The following DENND2B variants were observed in gnomAD, a reference collection of about 807,000 sequenced individuals.
The protein encoded by DENND2B is DENN domain-containing protein 2B.
DENND2B carries 32 observed loss-of-function variants against 116.0 expected under a neutral mutation model. The observed-to-expected ratio is 0.28, with a 90% CI of 0.21 to 0.37. The LOEUF (loss-of-function observed/expected upper bound fraction) is 0.37. Ranked by LOEUF, DENND2B falls within the 10% of genes least tolerant of loss-of-function variation. DENND2B has a pLI of 1.00. For synonymous variants in DENND2B, 588 were observed against 583.9 expected (o/e 1.01, Z -0.10); for missense variants, 1,276 against 1,477.7 (o/e 0.86, Z 2.24).
At chr11:8,708,373 G>T (rs1462446393) in intron 11 of DENND2B, 1 of 978,090 alleles carries the variant, frequency 1.0e-6, no homozygotes, top group African/African-American at 1.8e-5. Flanking sequence ...GGGAGCTACT[G>T]TTTATGGAAC....
intron 1 of DENND2B, among the ~76,000 whole-genome samples, chr11:8,779,769 C>T (rs899241973): frequency 6.6e-6 from 1 of 152,220 alleles, no homozygotes; most frequent in African/African-American, 2.4e-5. Flanking sequence ...CCCGCCTCAG[C>T]CTCCCGAAGT....
chr11:8,724,358 TTC>T (rs997927731), intron 4 of DENND2B, among the ~76,000 whole-genome samples: 1 of 151,590 alleles, frequency 6.6e-6, no homozygotes, highest in Admixed American at 6.6e-5. Flanking sequence ...CCTGGGCCAC[TTC>T]TCTCTCTCAT....
At chr11:8,802,133 G>A (rs1275952191) in intron 1 of DENND2B, among the ~76,000 whole-genome samples, 1 of 151,262 alleles carries the variant, frequency 6.6e-6, no homozygotes, top group Non-Finnish European at 1.5e-5. Flanking sequence ...AAACCCCATC[G>A]ATACTAAAAA....
intron 3 of DENND2B, among the ~76,000 whole-genome samples, chr11:8,728,926 A>G (rs2047601528): frequency 6.6e-6 from 1 of 152,258 alleles, no homozygotes; most frequent in African/African-American, 2.4e-5. Context: ...CACTCTTGGC[A>G]GGCCGTTTAA....
exon 2 of DENND2B, chr11:8,881,086 C>G (rs2063899653): frequency 6.6e-6 from 1 of 152,122 alleles, no homozygotes; most frequent in Non-Finnish European, 1.5e-5. Flanking sequence ...GTGAGTATCT[C>G]CTCCAGTGGT....
upstream of DENND2B, chr11:8,811,008 G>A (rs974268504): frequency 3.4e-5 from 11 of 321,652 alleles, no homozygotes; most frequent in Non-Finnish European, 1.7e-5. Flanking sequence ...GAGTGGACTT[G>A]TTTTCTTCCC....
chr11:8,695,837 C>T (rs2040258204), intron 18 of DENND2B: 3 of 470,354 alleles, frequency 6.4e-6, no homozygotes, highest in Non-Finnish European at 1.2e-5. Flanking sequence ...AAGTGGACAT[C>T]TCTAGCTTCC....
In DENND2B at chr11:8,732,368, C is replaced by A. The variant is rs576567329; in HGVS notation, c.81-1159G>T. Among the ~76,000 whole-genome samples, 10 of 152,310 alleles carry A rather than the reference C, an allele frequency of 6.6e-5. No individual in the cohort carries two copies. In the South Asian group the frequency reaches 2.1e-3, roughly 32 times the overall value. On this transcript the variant is annotated intron_variant, in intron 2 of 19. Transcript: ENST00000313726. ...GCACAGAAAGGTTTAATATCTCATC[C>A]GAGGTCACTCAGCTGGTAAGTGAAA...
chr11:8,769,375 T>TA (rs1468950794), intron 1 of DENND2B, among the ~76,000 whole-genome samples: 2 of 151,838 alleles, frequency 1.3e-5, no homozygotes, highest in Non-Finnish European at 2.9e-5. Context: ...GTAGCTGGGA[T>TA]GACAGGCTCC....
Position 8,714,646 on chromosome 11 carries a change from AC to A in DENND2B, c.1905del (p.Lys635AsnfsTer12). 1 of 1,614,172 alleles carries A rather than the reference AC, an allele frequency of 6.2e-7. No homozygotes were observed. The highest frequency in any genetic ancestry group is 8.5e-7 in the Non-Finnish European group (1 of 1,180,038). On this transcript the variant is annotated frameshift_variant, in exon 7 of 20. Transcript: ENST00000313726. LOFTEE classifies it high-confidence loss of function. ...GCTGTTTCAATGCTGGACATAGACA[AC>A]TTTTTTAATCTCTTCTTTCCTCTCT... ...NAKRGKKRLKKLSMSSIETAS... is the reference protein window; with the variant it reads ...NAKRGKKRLKXLSMSSIETAS...
chr11:8,827,809 C>T (rs1392880785), intron 4 of DENND2B, among the ~76,000 whole-genome samples: 1 of 152,228 alleles, frequency 6.6e-6, no homozygotes, highest in Non-Finnish European at 1.5e-5. Flanking sequence ...AGAGAGACAG[C>T]TCAACGACAT....
At chr11:8,776,158 GCGCACACACACACA>G (rs2057667840) in intron 1 of DENND2B, 5 of 332,900 alleles carry the variant, frequency 1.5e-5, no homozygotes, top group Non-Finnish European at 2.3e-5. Context: ...ACGCGCGCGC[GCGCACACACACACA>G]CACACACACA....
At chr11:8,763,544 A>G (rs1452880782) in intron 1 of DENND2B, among the ~76,000 whole-genome samples, 1 of 151,690 alleles carries the variant, frequency 6.6e-6, no homozygotes, top group Non-Finnish European at 1.5e-5. Context: ...TGATTACTAT[A>G]CAGCAATGAG....
At chr11:8,804,836 G>A (rs563691965) in intron 1 of DENND2B, among the ~76,000 whole-genome samples, 12 of 152,074 alleles carry the variant, frequency 7.9e-5, no homozygotes, top group Admixed American at 3.3e-4. Flanking sequence ...GAGCCACTGC[G>A]CCCAACCAGC....
chr11:8,805,267 G>A (rs1173216396), intron 1 of DENND2B, among the ~76,000 whole-genome samples: 9 of 152,090 alleles, frequency 5.9e-5, no homozygotes, highest in African/African-American at 9.7e-5. Flanking sequence ...GCAGCACCAC[G>A]CACTCACTGA....
intron 4 of DENND2B, chr11:8,835,620 T>C (rs1282298811): frequency 6.6e-6 from 1 of 152,224 alleles, no homozygotes; most frequent in Non-Finnish European, 1.5e-5. Flanking sequence ...GAGACCTAAA[T>C]TACCTGTGAT....
At chr11:8,767,667 G>C (rs1355569107) in intron 1 of DENND2B, among the ~76,000 whole-genome samples, 1 of 152,086 alleles carries the variant, frequency 6.6e-6, no homozygotes, top group South Asian at 2.1e-4. Context: ...CACTCATTCC[G>C]CAAGTATTTT....
chr11:8,706,685 T>C (rs2042659271), intron 13 of DENND2B, among the ~76,000 whole-genome samples: 2 of 152,194 alleles, frequency 1.3e-5, no homozygotes, highest in Non-Finnish European at 2.9e-5. Context: ...TCTATTTATA[T>C]GTAAAAGTGT....
At chr11:8,886,469 A>C (rs1258163930) in intron 1 of DENND2B, among the ~76,000 whole-genome samples, 2 of 152,008 alleles carry the variant, frequency 1.3e-5, no homozygotes, top group Non-Finnish European at 2.9e-5. Flanking sequence ...GAAAGGGTAA[A>C]CAGAAGCAAA....
Sources: allele counts gnomAD v4.1 joint callset (sites outside exome capture counted in the v4.1 genomes callset), GRCh38; gene constraint gnomAD v4.1.1; transcripts MANE v1.5; gene names NCBI Gene and HGNC (gene_info 2026-07-23, HGNC 2026-07-21).